Variants in CHD2 observed in about 807,000 individuals in gnomAD.
CHD2 encodes ATP-dependent chromatin remodeler CHD2.
In CHD2, 28 loss-of-function variants were observed where a neutral mutation model predicts 243.9. The ratio of observed to expected loss-of-function variants is 0.11; its 90% CI spans 0.09 to 0.16. The LOEUF (loss-of-function observed/expected upper bound fraction) is 0.16. CHD2 is among the 10% of genes least tolerant of loss of function. The pLI is 1.00. For missense variants in CHD2, 1,386 were observed against 2,209.8 expected (o/e 0.63, Z 7.47); for synonymous variants, 775 against 779.0 (o/e 0.99, Z 0.09).
chr15:92,993,104 A>G (rs1416025613), intron 28 of CHD2, 106 bp downstream of exon 28: 4 of 1,156,572 alleles, frequency 3.5e-6, no homozygotes, highest in Non-Finnish European at 5.0e-6. Flanking sequence ...ACACATGCCT[A>G]GTGATTTCAG....
At chr15:93,022,788 A>G (rs1217014894) in intron 38 of CHD2, among the ~76,000 whole-genome samples, 1 of 152,210 alleles carries the variant, frequency 6.6e-6, no homozygotes, top group African/African-American at 2.4e-5. Context: ...CCTGTGTCAC[A>G]GCCTGAGGGA....
chr15:92,997,396 C>G lies in CHD2; in HGVS notation c.3878C>G (p.Thr1293Ser). 6.3e-7 allele frequency: 1 copy of G among 1,580,738 alleles called. No individual in the cohort carries two copies. The highest frequency in any genetic ancestry group is 8.6e-7 in the Non-Finnish European group (1 of 1,167,176). The change falls in exon 30 of 39, where the codon ACT (threonine) becomes AGT (serine). Residue 1293 changes from threonine to serine, a missense_variant. This residue lies in a region of CHD2 where 99 missense variants were observed against 176.9 expected (regional missense o/e 0.56). Coordinates refer to ENST00000394196, the MANE Select transcript of CHD2 (RefSeq NM_001271.4). This position sits in a 1 kb window ranked among gnomAD's most constrained non-coding sequence, Gnocchi z 4.1. ...AAAACAGACCCAGAGCTTAAATTAACTGACAAAGTAAGTAACCCTACCATG... is the reference window on the plus strand; with the variant it reads ...AAAACAGACCCAGAGCTTAAATTAAGTGACAAAGTAAGTAACCCTACCATG... ...LIKTDPELKL[T>S]DKILPVETDK...
chr15:92,909,952 G>GTGTGTC (rs1394820301), intron 2 of CHD2, among the ~76,000 whole-genome samples: 1 of 25,474 alleles, frequency 3.9e-5, no homozygotes, highest in African/African-American at 9.5e-5. Flanking sequence ...GTGTGTGTGT[G>GTGTGTC]TGTGTGTGTG....
At chr15:92,922,071 AAGCC>A (rs1452740722) in intron 2 of CHD2, among the ~76,000 whole-genome samples, 1 of 152,204 alleles carries the variant, frequency 6.6e-6, no homozygotes, top group Non-Finnish European at 1.5e-5. Context: ...TGTTACAAGG[AAGCC>A]TGTTTTGGGA....
chr15:92,913,851 C>CA (rs941737448), intron 2 of CHD2, among the ~76,000 whole-genome samples: 3 of 151,188 alleles, frequency 2.0e-5, no homozygotes, highest in South Asian at 2.1e-4. Context: ...AGACCCTATC[C>CA]AAAAAAAACA....
intron 2 of CHD2, among the ~76,000 whole-genome samples, chr15:92,908,982 G>C (rs1409846765): frequency 6.6e-6 from 1 of 152,078 alleles, no homozygotes; most frequent in Non-Finnish European, 1.5e-5. Context: ...AGCTGGACAT[G>C]ATGGTGGGTG....
At chr15:92,905,437 G>A (rs939076307) in intron 2 of CHD2, among the ~76,000 whole-genome samples, 17 of 152,148 alleles carry the variant, frequency 1.1e-4, no homozygotes. Context: ...TATCTACTGT[G>A]GACAAAGTTT....
chr15:92,934,482 A>G (rs529204989), intron 5 of CHD2, among the ~76,000 whole-genome samples: 56 of 152,262 alleles, frequency 3.7e-4, no homozygotes, highest in African/African-American at 1.3e-3. Flanking sequence ...TTTGATAGAC[A>G]TTTTTTGCTC....
At position 93,003,270 on chromosome 15, in the gene CHD2, G is replaced by A. The variant is rs1485251184; in HGVS notation, c.4278+953G>A. ...ACACTTCACTCCAGCTTGGGCAACA[G>A]AGGAAGACCTTGTCTCAAAAAAAAA... is the stretch of plus-strand genomic sequence containing the variant. On this transcript the variant is annotated intron_variant, in intron 33 of 38. Transcript: ENST00000394196. 7.1e-5 allele frequency among the ~76,000 whole-genome samples: 10 copies of A among 140,918 alleles called. No individual in the cohort carries two copies. The Admixed American group carries it at 7.5e-4, about 11-fold the overall frequency. 92.4% of individuals were successfully genotyped at this position (140,918 alleles called of 152,430 possible). A position where few individuals can be genotyped will look rare whatever the true frequency, so the allele number is the denominator to read the frequency against.
At chr15:92,902,178 G>A (rs530948169) in intron 2 of CHD2, 6 of 397,742 alleles carry the variant, frequency 1.5e-5, no homozygotes, top group Non-Finnish European at 2.7e-5. Flanking sequence ...CGACAGAGTC[G>A]TCTGGAATGC....
intron 19 of CHD2, 54 bp downstream of exon 19, chr15:92,972,471 C>T: frequency 1.4e-6 from 2 of 1,447,324 alleles, no homozygotes; most frequent in South Asian, 2.7e-5. Context: ...TCTCCGCCTC[C>T]CCTCCCCAAC....
Position 92,953,442 on chromosome 15 carries a change from C to T in CHD2, c.1588C>T (p.His530Tyr). The T allele has an allele frequency of 6.2e-7, 1 of 1,614,150 alleles. No individual in the cohort carries two copies. The highest frequency in any genetic ancestry group is 8.5e-7 in the Non-Finnish European group (1 of 1,180,016). The change falls in exon 14 of 39, where the codon CAC becomes TAC. Residue 530 changes from histidine to tyrosine, a missense_variant. By Grantham distance (83) the His-to-Tyr change is moderately conservative. Around this residue, in one of 19 missense-constraint regions of CHD2, gnomAD observed 63 missense variants for 108.8 expected, o/e 0.58. Transcript: ENST00000394196. ...ATTCCTCTCCTACCTGTTCCACCAA[C>T]ACCAGCTGTATGGCCCCTTTCTTAT... ...ISFLSYLFHQ[H>Y]QLYGPFLIVV...
intron 20 of CHD2, among the ~76,000 whole-genome samples, chr15:92,976,424 G>A (rs1193627604): frequency 3.9e-5 from 6 of 152,088 alleles, no homozygotes; most frequent in Non-Finnish European, 5.9e-5. Flanking sequence ...TGCTGTTCAC[G>A]TCTTTGGGGT....
intron 2 of CHD2, among the ~76,000 whole-genome samples, chr15:92,909,814 G>C (rs1217499301): frequency 6.6e-6 from 1 of 151,994 alleles, no homozygotes; most frequent in Non-Finnish European, 1.5e-5. Context: ...ACCGTACCTG[G>C]CCTTCACTTT....
chr15:93,022,445 G>A (rs2054545080), intron 38 of CHD2, among the ~76,000 whole-genome samples: 1 of 152,158 alleles, frequency 6.6e-6, no homozygotes, highest in Admixed American at 6.5e-5. Context: ...ATTTCAACAT[G>A]AGATTTGGAG....
At chr15:92,940,393 G>A (rs2141779823) in intron 7 of CHD2, among the ~76,000 whole-genome samples, 1 of 152,198 alleles carries the variant, frequency 6.6e-6, no homozygotes, top group Admixed American at 6.5e-5. Flanking sequence ...GTTGCAGTGA[G>A]TTGAGATCAC....
intron 16 of CHD2, among the ~76,000 whole-genome samples, chr15:92,962,998 C>A (rs1006576188): frequency 2.0e-5 from 3 of 152,182 alleles, no homozygotes; most frequent in Admixed American, 6.5e-5. Context: ...TGTTTTCCAT[C>A]ATTCGAACTG....
At chr15:92,977,602 A>G (rs1166483677) in intron 20 of CHD2, among the ~76,000 whole-genome samples, 2 of 151,876 alleles carry the variant, frequency 1.3e-5, no homozygotes, top group South Asian at 2.1e-4. Context: ...CCCAGTGTCT[A>G]CTGTCATTGC....
intron 17 of CHD2, among the ~76,000 whole-genome samples, chr15:92,969,317 G>A (rs1000109474): frequency 4.6e-5 from 7 of 152,238 alleles, no homozygotes; most frequent in Non-Finnish European, 7.3e-5. Context: ...GCCAAAGAAA[G>A]TGAGCAGAGT....
Sources: allele counts gnomAD v4.1 joint callset (sites outside exome capture counted in the v4.1 genomes callset), GRCh38; gene constraint gnomAD v4.1.1; regional missense constraint gnomAD v4.1.1; non-coding constraint Gnocchi (gnomAD v3.1); transcripts MANE v1.5; gene names NCBI Gene and HGNC (gene_info 2026-07-23, HGNC 2026-07-21).